The following CDH13 variants were observed in gnomAD, a reference collection of about 807,000 sequenced individuals.
The protein encoded by CDH13 is cadherin 13.
CDH13 carries 24 observed loss-of-function variants against 63.8 expected under a neutral mutation model. That is an observed-to-expected ratio of 0.38 (90% CI 0.27 to 0.53). CDH13 has a LOEUF of 0.53. Among genes scored for constraint, CDH13 ranks in the 20% least tolerant of loss-of-function variants. The probability of loss-of-function intolerance (pLI) is 0.85; values close to 1 mark genes in which losing one functional copy is unlikely to be tolerated. For missense variants in CDH13, 1,049 were observed against 903.1 expected (o/e 1.16, Z -2.07); for synonymous variants, 503 against 355.3 (o/e 1.42, Z -4.67).
intron 1 of CDH13, among the ~76,000 whole-genome samples, chr16:82,755,258 G>A (rs1333933377): frequency 1.3e-5 from 2 of 152,234 alleles, no homozygotes; most frequent in East Asian, 1.9e-4. Context: ...AGTGAGATAT[G>A]CATTCTGTCC....
intron 1 of CDH13, among the ~76,000 whole-genome samples, chr16:82,651,271 A>T (rs1910691424): frequency 1.3e-5 from 2 of 152,218 alleles, no homozygotes; most frequent in Non-Finnish European, 1.5e-5. Flanking sequence ...TTCACATGTG[A>T]TGTCTAATTA....
At chr16:83,403,869 G>C (rs1251257731) in intron 6 of CDH13, among the ~76,000 whole-genome samples, 1 of 152,126 alleles carries the variant, frequency 6.6e-6, no homozygotes, top group Non-Finnish European at 1.5e-5. Context: ...TAAAAGGAAG[G>C]TGATTTACAA....
In CDH13 at chr16:83,047,480, T is replaced by TC. The variant is rs149803008; in HGVS notation, c.366+15265dup. On this transcript the variant is annotated intron_variant, in intron 3 of 13. Coordinates refer to ENST00000567109, the MANE Select transcript of CDH13 (RefSeq NM_001257.5). The surrounding 1 kb of genome is among the most constrained non-coding windows in gnomAD (Gnocchi z 4.9). Reference sequence around the variant, plus strand: ...ACCTTGTTATCTGTAATTTCCTCTTTCCCTCAGGCCTTTGCGTAATATTTT... The same window carrying TC: ...ACCTTGTTATCTGTAATTTCCTCTTTCCCCTCAGGCCTTTGCGTAATATTTT... 6.6e-3 allele frequency among the ~76,000 whole-genome samples: 1,000 copies of TC among 152,230 alleles called. 13 individuals carry two copies. Among genetic ancestry groups the TC allele is most frequent in the African/African-American group, 0.022 (919 of 41,526 alleles).
intron 10 of CDH13, among the ~76,000 whole-genome samples, chr16:83,690,215 T>A (rs969610833): frequency 6.6e-6 from 1 of 152,122 alleles, no homozygotes; most frequent in African/African-American, 2.4e-5. Flanking sequence ...GAAATCATAT[T>A]CCTGTGGAAG....
At chr16:82,686,610 G>C (rs1489208020) in intron 1 of CDH13, among the ~76,000 whole-genome samples, 1 of 152,168 alleles carries the variant, frequency 6.6e-6, no homozygotes. Flanking sequence ...CGGTTTTTCA[G>C]CTCTAAAAAT....
At chr16:83,479,066 A>G (rs1325884437) in intron 6 of CDH13, among the ~76,000 whole-genome samples, 2 of 152,208 alleles carry the variant, frequency 1.3e-5, no homozygotes, top group African/African-American at 4.8e-5. Context: ...TCAACTAGTC[A>G]TTCGACAGTT....
At chr16:82,653,843 A>G (rs1567593307) in intron 1 of CDH13, among the ~76,000 whole-genome samples, 1 of 152,180 alleles carries the variant, frequency 6.6e-6, no homozygotes, top group Non-Finnish European at 1.5e-5. Context: ...CTTTTGCAGT[A>G]GTTCCGGAGA....
intron 12 of CDH13, among the ~76,000 whole-genome samples, chr16:83,781,772 G>T (rs1237507281): frequency 1.3e-5 from 2 of 151,118 alleles, no homozygotes; most frequent in African/African-American, 2.4e-5. Flanking sequence ...TTCTTTTTTG[G>T]GGGCGTGCAG....
At chr16:83,344,081 G>A (rs2090784635) in intron 5 of CDH13, among the ~76,000 whole-genome samples, 1 of 152,068 alleles carries the variant, frequency 6.6e-6, no homozygotes, top group Non-Finnish European at 1.5e-5. Context: ...CTCCTATGCG[G>A]GGACCAACAC....
chr16:83,176,130 G>T (rs536769575), intron 4 of CDH13, among the ~76,000 whole-genome samples: 2 of 151,574 alleles, frequency 1.3e-5, no homozygotes, highest in Admixed American at 1.3e-4. Context: ...GATTACAGGC[G>T]TGAGCTACCA....
intron 8 of CDH13, among the ~76,000 whole-genome samples, chr16:83,648,031 AC>A (rs771511524): frequency 1.6e-4 from 25 of 152,332 alleles, no homozygotes; most frequent in Non-Finnish European, 3.2e-4. Flanking sequence ...TCTAGTGACC[AC>A]ACCTTTTTTT....
intron 8 of CDH13, among the ~76,000 whole-genome samples, chr16:83,646,798 G>C (rs1290570717): frequency 1.3e-5 from 2 of 149,816 alleles, no homozygotes; most frequent in Non-Finnish European, 3.0e-5. Flanking sequence ...CCATCCTACA[G>C]CCTGTTCCAG....
At chr16:83,613,133 T>C (rs1438035465) in intron 8 of CDH13, among the ~76,000 whole-genome samples, 1 of 152,240 alleles carries the variant, frequency 6.6e-6, no homozygotes, top group East Asian at 1.9e-4. Context: ...TTCTGACATC[T>C]ATCATGTTTG....
chr16:83,324,727 G>T (rs1033475385), intron 5 of CDH13, among the ~76,000 whole-genome samples: 7 of 152,200 alleles, frequency 4.6e-5, no homozygotes, highest in Non-Finnish European at 1.0e-4. Flanking sequence ...TTTTGTGTGT[G>T]GGGACACATG....
intron 2 of CDH13, among the ~76,000 whole-genome samples, chr16:82,915,617 C>G (rs1357698944): frequency 6.6e-6 from 1 of 151,872 alleles, no homozygotes; most frequent in Non-Finnish European, 1.5e-5. Flanking sequence ...AATATCCTCC[C>G]AAACTGGATG....
At chr16:83,209,421 A>G (rs1567508317) in intron 4 of CDH13, among the ~76,000 whole-genome samples, 3 of 152,326 alleles carry the variant, frequency 2.0e-5, no homozygotes, top group Non-Finnish European at 2.9e-5. Context: ...CAGGGTATGC[A>G]TAAGTTATTG....
chr16:83,081,886 C>T (rs34664252), intron 3 of CDH13, among the ~76,000 whole-genome samples: 10,583 of 149,720 alleles, frequency 0.071, 510 homozygotes, highest in Non-Finnish European at 0.1. Context: ...CCATAACCTC[C>T]GCCTCCCAGG....
intron 2 of CDH13, chr16:82,990,411 C>A (rs904628780): frequency 6.6e-6 from 1 of 152,174 alleles, no homozygotes; most frequent in Admixed American, 6.5e-5. Flanking sequence ...AGGTACAGCC[C>A]ATCTTGTGAT....
chr16:82,943,211 G>C (rs1245727617), intron 2 of CDH13, among the ~76,000 whole-genome samples: 5 of 152,022 alleles, frequency 3.3e-5, no homozygotes, highest in African/African-American at 1.2e-4. Context: ...CTCTGTTACA[G>C]ACTTTTTTTC....
Sources: allele counts gnomAD v4.1 joint callset (sites outside exome capture counted in the v4.1 genomes callset), GRCh38; gene constraint gnomAD v4.1.1; non-coding constraint Gnocchi (gnomAD v3.1); transcripts MANE v1.5; gene names NCBI Gene and HGNC (gene_info 2026-07-23, HGNC 2026-07-21).